MICALL2: variants seen among roughly 807,000 people sequenced by gnomAD.
MICALL2 encodes the protein MICAL like 2.
Under a neutral mutation model 91.1 loss-of-function variants are expected in MICALL2, and 111 were observed. The ratio of observed to expected loss-of-function variants is 1.22; its 90% CI spans 1.04 to 1.43. MICALL2 has a LOEUF of 1.43. Among genes scored for constraint, MICALL2 ranks in the 40% most tolerant of loss-of-function variants. The pLI is 0.00. For synonymous variants in MICALL2, 694 were observed against 525.3 expected (o/e 1.32, Z -4.39); for missense variants, 1,556 against 1,236.0 (o/e 1.26, Z -3.88).
chr7:1,455,315 G>A (rs1348449799), intron 1 of MICALL2, among the ~76,000 whole-genome samples: 2 of 152,194 alleles, frequency 1.3e-5, no homozygotes, highest in African/African-American at 4.8e-5. Context: ...GTTCTGGGTG[G>A]TTTCTGAGCT....
intron 1 of MICALL2, 83 bp downstream of exon 1, chr7:1,459,101 A>T: frequency 7.0e-7 from 1 of 1,429,556 alleles, no homozygotes. Context: ...CCCATCCCCC[A>T]GCCGCCCGGG....
Position 1,435,312 on chromosome 7 carries a change from C to T in MICALL2, c.2592-165G>A, listed in dbSNP as rs149818084. Among the ~76,000 whole-genome samples, 800 of 152,374 alleles carry T rather than the reference C, an allele frequency of 5.3e-3. 5 individuals are homozygous for T. The highest frequency in any genetic ancestry group is 0.018 in the African/African-American group (749 of 41,588). On this transcript the variant is annotated intron_variant, in intron 15 of 16. Coordinates refer to ENST00000297508, the MANE Select transcript of MICALL2 (RefSeq NM_182924.4). ...GCCACACCTTGGAACCCTGCCCCCA[C>T]CAATGCCAAGTCCCTGCCCTCTTCC...
At chr7:1,437,295 G>A (rs954349929) in intron 14 of MICALL2, 9 of 505,378 alleles carry the variant, frequency 1.8e-5, no homozygotes, top group African/African-American at 1.2e-4. Context: ...CGTGAGGTGG[G>A]TGCTACAAGC....
intron 7 of MICALL2, 121 bp from the exon 8 acceptor site, chr7:1,440,805 C>T (rs1048312600): frequency 1.2e-6 from 1 of 810,618 alleles, no homozygotes; most frequent in Non-Finnish European, 2.0e-6. Flanking sequence ...GACACCCCCA[C>T]AGCCAGCCGG....
intron 15 of MICALL2, among the ~76,000 whole-genome samples, 200 bp from the exon 16 acceptor site, chr7:1,435,347 CCCT>C (rs1264499660): frequency 6.6e-6 from 1 of 152,200 alleles, no homozygotes; most frequent in Non-Finnish European, 1.5e-5. Context: ...CAGAGCCAGC[CCCT>C]CAACAGTGAC....
At chr7:1,447,838 C>T in intron 3 of MICALL2, 73 bp from the exon 4 acceptor site, 1 of 1,224,610 alleles carries the variant, frequency 8.2e-7, no homozygotes, top group Non-Finnish European at 1.1e-6. Flanking sequence ...CCAGAGGTCC[C>T]AGTGCCCAGC....
At chr7:1,453,147 C>A (rs1436181700) in intron 1 of MICALL2, among the ~76,000 whole-genome samples, 1 of 150,974 alleles carries the variant, frequency 6.6e-6, no homozygotes, top group African/African-American at 2.4e-5. Flanking sequence ...TCTCCAGGAG[C>A]CCCCCAAGAA....
chr7:1,441,946 G>A (rs1363671045), intron 7 of MICALL2: 5 of 564,114 alleles, frequency 8.9e-6, no homozygotes, highest in African/African-American at 1.9e-5. Flanking sequence ...GCACCTGCAG[G>A]ACGTGCGGAT....
chr7:1,434,984 C>CCCGG, intron 16 of MICALL2, 117 bp downstream of exon 16: 1 of 449,086 alleles, frequency 2.2e-6, no homozygotes, highest in Non-Finnish European at 3.9e-6. Context: ...ACCCGATACC[C>CCCGG]GCCCCCCCCC....
intron 6 of MICALL2, among the ~76,000 whole-genome samples, chr7:1,443,039 GGGCA>G (rs1445445691): frequency 6.6e-6 from 1 of 151,914 alleles, no homozygotes; most frequent in Non-Finnish European, 1.5e-5. Flanking sequence ...CCTGAGGTGG[GGGCA>G]CCAGGTGCCT....
intron 6 of MICALL2, among the ~76,000 whole-genome samples, chr7:1,444,070 A>G (rs1179149044): frequency 1.9e-3 from 171 of 89,934 alleles, no homozygotes; most frequent in Middle Eastern, 7.9e-3. Flanking sequence ...CCCGCTCGCG[A>G]CCTGTCCCCG....
At chr7:1,437,132 A>G in intron 14 of MICALL2, 2 of 479,518 alleles carry the variant, frequency 4.2e-6, no homozygotes, top group East Asian at 7.5e-5. Flanking sequence ...CTGTCCCTGC[A>G]GCACAGCAAG....
chr7:1,446,520 G>A (rs1780591346), intron 5 of MICALL2, 193 bp downstream of exon 5: 5 of 543,650 alleles, frequency 9.2e-6, no homozygotes, highest in Admixed American at 3.0e-5. Flanking sequence ...AGGGAGAAGA[G>A]GGAGAAGGGG....
chr7:1,444,923 G>C lies in MICALL2; in HGVS notation c.1147C>G (p.Arg383Gly). 1.3e-6 allele frequency: 2 copies of C among 1,536,892 alleles called. No homozygotes were observed. Among genetic ancestry groups the C allele is most frequent in the South Asian group, 1.2e-5 (1 of 82,654 alleles). The change falls in exon 6 of 17, where the codon CGA becomes GGA. Residue 383 changes from arginine (R) to glycine (G), a missense_variant. Transcript: ENST00000297508. Reference sequence around the variant, plus strand: ...AGTGTGGTTTGAGGAGCTGCCACTCGGGGGGCTCCCCCACCCTGGGGTGTG... The same window carrying C: ...AGTGTGGTTTGAGGAGCTGCCACTCCGGGGGCTCCCCCACCCTGGGGTGTG... The part of the protein sequence containing the change: ...PATPQGGGAP[R>G]VAAPQTTLSS...
Position 1,440,660 on chromosome 7 carries a change from C to T in MICALL2, c.1736G>A (p.Gly579Asp), listed in dbSNP as rs887440325. Residue 579 changes from glycine to aspartate, a missense_variant, in exon 8 of 17, where the codon GGC becomes GAC. By Grantham distance (94) the Gly-to-Asp change is moderately conservative. Coordinates refer to ENST00000297508, the MANE Select transcript of MICALL2 (RefSeq NM_182924.4). The stretch of plus-strand genomic sequence containing the variant: ...CCATCCTGCCGGCCCGTCCTCCTGG[C>T]CTTCCTGGAGGCTGGTGCTCATGTC... ...TQDMSTSLQE[G>D]QEDGPAGWRA... 8 of 1,612,300 alleles carry T rather than the reference C, an allele frequency of 5.0e-6. No individual in the cohort carries two copies. The African/African-American group carries it at 9.3e-5, about 19-fold the overall frequency.
rs565496223 is a variant in MICALL2 at position 1,453,635 on chromosome 7, G to A, written c.144-3347C>T. ...AGTGACCAGCTACCCATGGTGAGAC[G>A]GCTGGAACTGGGACACAGCCCCAGC... On this transcript the variant is annotated intron_variant, in intron 1 of 16. Transcript: ENST00000297508. 7.9e-5 allele frequency among the ~76,000 whole-genome samples: 12 copies of A among 152,226 alleles called. No homozygotes were observed. In the South Asian group the frequency reaches 1.9e-3, roughly 24 times the overall value.
Position 1,444,660 on chromosome 7 carries a change from C to A in MICALL2, c.1410G>T (p.Ala470=). The A allele has an allele frequency of 6.2e-7, 1 of 1,609,816 alleles. No homozygotes were observed. Among genetic ancestry groups the A allele is most frequent in the Non-Finnish European group, 8.5e-7 (1 of 1,179,574 alleles). The change falls in exon 6 of 17, where the codon GCG becomes GCT. Residue 470 remains alanine, a synonymous_variant. Coordinates refer to ENST00000297508, the MANE Select transcript of MICALL2 (RefSeq NM_182924.4). Reference sequence around the variant, plus strand: ...GGTCCCCACGCGCTCACCTGCCAGGCGCCGGAGCGCCAGCCTCTTCCAGCG... The same window carrying A: ...GGTCCCCACGCGCTCACCTGCCAGGAGCCGGAGCGCCAGCCTCTTCCAGCG... ...LSALEEAGAP[A]PGRPSPATAA... is the part of the protein sequence containing the mutation.
chr7:1,440,290 A>T (rs984585331), intron 8 of MICALL2: 2 of 673,234 alleles, frequency 3.0e-6, no homozygotes, highest in African/African-American at 3.6e-5. Flanking sequence ...TGCGAAGCAG[A>T]TTCCAGGCGT....
chr7:1,439,758 A>G, intron 9 of MICALL2, 167 bp downstream of exon 9: 1 of 490,938 alleles, frequency 2.0e-6, no homozygotes, highest in Non-Finnish European at 3.4e-6. Context: ...ACACACATGC[A>G]CACATGTACA....
Sources: allele counts gnomAD v4.1 joint callset (sites outside exome capture counted in the v4.1 genomes callset), GRCh38; gene constraint gnomAD v4.1.1; transcripts MANE v1.5; gene names NCBI Gene and HGNC (gene_info 2026-07-23, HGNC 2026-07-21).